PPP2R1B: variants seen among roughly 807,000 people sequenced by gnomAD.
The protein encoded by PPP2R1B is protein phosphatase 2 scaffold subunit Abeta, also known as serine/threonine-protein phosphatase 2A 65 kDa regulatory subunit A beta isoform.
In PPP2R1B, 58 loss-of-function variants were observed where a neutral mutation model predicts 72.7. The observed-to-expected ratio is 0.80, with a 90% CI of 0.65 to 0.99. The LOEUF (loss-of-function observed/expected upper bound fraction) is 0.99, where lower values mean the gene tolerates loss of function less well. PPP2R1B is among the 50% of genes least tolerant of loss of function. PPP2R1B has a pLI of 0.00. For missense variants in PPP2R1B, 695 were observed against 733.6 expected, an observed-to-expected ratio of 0.95 and a Z score of 0.61; for synonymous variants, 256 against 264.6, an observed-to-expected ratio of 0.97 and a Z score of 0.32.
downstream of PPP2R1B, chr11:111,737,494 T>C (rs115808737): frequency 1.2e-6 from 2 of 1,614,238 alleles, no homozygotes; most frequent in East Asian, 4.5e-5. Context: ...GAAGTGGTTC[T>C]TGTCAGCCCG....
rs1387880315 is a variant in PPP2R1B, at chr11:111,758,563, C to G, written c.687+1241G>C. On this transcript the variant is annotated intron_variant, in intron 5 of 14. Coordinates refer to ENST00000527614, the MANE Select transcript of PPP2R1B (RefSeq NM_002716.5). ...CGAGATTGCACCACTGCACTCCAGCCTGGTGACAGAGTGAGACTCCTTTTA... is the reference window on the plus strand; with the variant it reads ...CGAGATTGCACCACTGCACTCCAGCGTGGTGACAGAGTGAGACTCCTTTTA... 3.3e-5 allele frequency among the ~76,000 whole-genome samples: 5 copies of G among 152,056 alleles called. No homozygotes were observed. The East Asian group carries it at 9.6e-4, about 29-fold the overall frequency.
intron 8 of PPP2R1B, among the ~76,000 whole-genome samples, chr11:111,753,864 T>C: frequency 6.6e-6 from 1 of 151,780 alleles, no homozygotes; most frequent in East Asian, 1.9e-4. Flanking sequence ...TGCAATCCTC[T>C]TACCTTGGCC....
At chr11:111,701,077 C>A in the PPP2R1B span, 1 of 1,559,052 alleles carries the variant, frequency 6.4e-7, no homozygotes, top group Non-Finnish European at 8.7e-7. The surrounding 1 kb of genome is among the most constrained non-coding windows in gnomAD (Gnocchi z 4.2). Flanking sequence ...TCTGGCCCAT[C>A]TTAGAAGCTC....
At chr11:111,742,216 T>G in intron 13 of PPP2R1B, 72 bp from the exon 14 acceptor site, 3 of 1,128,324 alleles carry the variant, frequency 2.7e-6, no homozygotes, top group Non-Finnish European at 3.9e-6. Flanking sequence ...TGTATATGGT[T>G]AATGGTAATT....
At chr11:111,756,813 A>C (rs1555049837) in intron 5 of PPP2R1B, among the ~76,000 whole-genome samples, 4 of 152,182 alleles carry the variant, frequency 2.6e-5, no homozygotes, top group Admixed American at 2.6e-4. Context: ...TGGAAAATAT[A>C]CAAGACAAAT....
chr11:111,721,718 G>A, the PPP2R1B span: 2 of 693,380 alleles, frequency 2.9e-6, no homozygotes, highest in Non-Finnish European at 4.7e-6. Context: ...GTATTAATAA[G>A]TCTCAGTGGA....
At chr11:111,725,934 T>C (rs1024786612), downstream of PPP2R1B, 1 of 152,242 alleles carries the variant, frequency 6.6e-6, no homozygotes, top group Non-Finnish European at 1.5e-5. Flanking sequence ...ATTTTTGTGA[T>C]TTAATAACAC....
intron 10 of PPP2R1B, 131 bp downstream of exon 10, chr11:111,752,027 TA>T: frequency 1.0e-6 from 1 of 992,874 alleles, no homozygotes; most frequent in Non-Finnish European, 1.4e-6. Flanking sequence ...ATCCTATAGG[TA>T]ACAAGAACAA....
intron 1 of PPP2R1B, chr11:111,765,808 G>C (rs890300827): frequency 1.3e-5 from 6 of 473,624 alleles, no homozygotes; most frequent in Admixed American, 4.6e-5. Context: ...CCAACAAGCC[G>C]AGCCAGTTCC....
At chr11:111,737,731 G>T, downstream of PPP2R1B, 1 of 1,369,458 alleles carries the variant, frequency 7.3e-7, no homozygotes, top group Non-Finnish European at 9.7e-7. Context: ...GAAAGCTGGG[G>T]CAGCCCAGGG....
At chr11:111,728,271 G>C (rs1944041952) in intron 15 of PPP2R1B, 1 of 143,128 alleles carries the variant, frequency 7.0e-6, no homozygotes, top group Admixed American at 7.4e-5. Context: ...TGATCATTTT[G>C]TTGCTTCTGG....
chr11:111,742,647 C>T lies in PPP2R1B; in HGVS notation c.1573G>A (p.Gly525Ser). 6.2e-7 allele frequency: 1 copy of T among 1,612,574 alleles called. No homozygotes were observed. The highest frequency in any genetic ancestry group is 1.7e-4 in the Middle Eastern group (1 of 6,060). Residue 525 changes from glycine to serine, a missense_variant, in exon 13 of 15, where the codon GGT (glycine) becomes AGT (serine). Gly to Ser is a moderately conservative substitution (Grantham distance 56). Transcript: ENST00000527614. ...FCINALSEAC[G>S]QEITTKQMLP... ...ATTTGCTTAGTAGTTATTTCCTGAC[C>T]ACAGGCCTCAGACAGTGCCTAGAAA... is the stretch of plus-strand genomic sequence containing the variant.
At chr11:111,704,305 C>T in the PPP2R1B span, among the ~76,000 whole-genome samples, 1 of 152,158 alleles carries the variant, frequency 6.6e-6, no homozygotes, top group Admixed American at 6.5e-5. Context: ...GCACCCATGC[C>T]GACTGTCAGG....
chr11:111,727,458 CTT>C (rs1944010085), intron 15 of PPP2R1B: 2 of 202,640 alleles, frequency 9.9e-6, no homozygotes, highest in Non-Finnish European at 2.0e-5. Context: ...GCCCTTGCCT[CTT>C]GTGTCCCTTC....
At chr11:111,754,600 T>C (rs782248459) in intron 7 of PPP2R1B, 31 bp from the exon 8 acceptor site, 1 of 1,586,944 alleles carries the variant, frequency 6.3e-7, no homozygotes, top group East Asian at 2.2e-5. Context: ...AAGAATGCTT[T>C]CACAGGGCCA....
chr11:111,760,140 G>T (rs1422095158), intron 4 of PPP2R1B, among the ~76,000 whole-genome samples, 189 bp from the exon 5 acceptor site: 1 of 152,176 alleles, frequency 6.6e-6, no homozygotes, highest in African/African-American at 2.4e-5. Flanking sequence ...GCCAGGCATG[G>T]TGCCTCACAC....
the PPP2R1B span, chr11:111,688,145 T>G: frequency 6.2e-7 from 1 of 1,613,986 alleles, no homozygotes; most frequent in Non-Finnish European, 8.5e-7. This position sits in a 1 kb window ranked among gnomAD's most constrained non-coding sequence, Gnocchi z 4.2. Flanking sequence ...GATAACAACA[T>G]GAATATCAAA....
At chr11:111,701,508 G>T in the PPP2R1B span, 10 of 1,613,802 alleles carry the variant, frequency 6.2e-6, no homozygotes, top group Non-Finnish European at 8.5e-6. This position sits in a 1 kb window ranked among gnomAD's most constrained non-coding sequence, Gnocchi z 4.2. Flanking sequence ...TTGATGGACC[G>T]ACTCTTCCAA....
the PPP2R1B span, chr11:111,720,972 G>C: frequency 6.2e-7 from 1 of 1,614,210 alleles, no homozygotes; most frequent in South Asian, 1.1e-5. Flanking sequence ...ACAAAGTGCA[G>C]TTGTTGTATG....
Sources: allele counts gnomAD v4.1 joint callset (sites outside exome capture counted in the v4.1 genomes callset), GRCh38; gene constraint gnomAD v4.1.1; non-coding constraint Gnocchi (gnomAD v3.1); transcripts MANE v1.5; gene names NCBI Gene and HGNC (gene_info 2026-07-23, HGNC 2026-07-21).